The following TCF4 variants were observed in gnomAD, a reference collection of about 807,000 sequenced individuals.
The protein encoded by TCF4 is transcription factor 4.
TCF4 carries 3 observed loss-of-function variants against 82.1 expected under a neutral mutation model. That is an observed-to-expected ratio of 0.04 (90% confidence interval 0.02 to 0.09). TCF4 has a LOEUF of 0.09. Ranked by LOEUF, TCF4 falls within the 10% of genes least tolerant of loss-of-function variation. The probability of loss-of-function intolerance (pLI) is 1.00; values close to 1 mark genes in which losing one functional copy is unlikely to be tolerated. For missense variants in TCF4, 518 were observed against 852.7 expected (o/e 0.61, Z 4.89); for synonymous variants, 276 against 309.6 (o/e 0.89, Z 1.14).
chr18:55,282,190 TA>T (rs994421944), intron 8 of TCF4, among the ~76,000 whole-genome samples: 2 of 151,958 alleles, frequency 1.3e-5, no homozygotes, highest in African/African-American at 4.8e-5. Flanking sequence ...TATAAATAAA[TA>T]AATATCACAT....
intron 5 of TCF4, among the ~76,000 whole-genome samples, chr18:55,409,320 T>A (rs554998689): frequency 6.6e-6 from 1 of 152,032 alleles, no homozygotes; most frequent in Admixed American, 6.6e-5. Flanking sequence ...TTACATTGTA[T>A]CTAGCATGTT....
At chr18:55,299,451 C>CT (rs113065305) in intron 8 of TCF4, among the ~76,000 whole-genome samples, 6,335 of 116,738 alleles carry the variant, frequency 0.054, 275 homozygotes, top group South Asian at 0.2. Flanking sequence ...CATGTTTCTG[C>CT]TTTTTTTTTT....
At chr18:55,318,680 C>G (rs1429469972) in intron 8 of TCF4, among the ~76,000 whole-genome samples, 1 of 151,858 alleles carries the variant, frequency 6.6e-6, no homozygotes, top group Non-Finnish European at 1.5e-5. Flanking sequence ...TACAGTTGTT[C>G]ACAGAAACAA....
intron 5 of TCF4, among the ~76,000 whole-genome samples, chr18:55,408,851 G>A (rs1292678885): frequency 6.6e-6 from 1 of 152,048 alleles, no homozygotes; most frequent in Admixed American, 6.6e-5. Flanking sequence ...ATAAACTAGA[G>A]GCCCGACACT....
intron 11 of TCF4, chr18:55,265,218 T>C (rs2145834379): frequency 6.6e-6 from 1 of 152,286 alleles, no homozygotes; most frequent in Non-Finnish European, 1.5e-5. Flanking sequence ...ATCAAAAGAA[T>C]AAGCAGCACA....
intron 8 of TCF4, among the ~76,000 whole-genome samples, chr18:55,322,970 T>C (rs1030204398): frequency 1.3e-5 from 2 of 152,362 alleles, no homozygotes; most frequent in Admixed American, 1.3e-4. Flanking sequence ...AACTTCGATT[T>C]TGCTAAACTT....
At chr18:55,626,364 G>A (rs926213445) in intron 2 of TCF4, among the ~76,000 whole-genome samples, 1 of 151,772 alleles carries the variant, frequency 6.6e-6, no homozygotes, top group Admixed American at 6.6e-5. Context: ...AAACAATCTC[G>A]CCTTCATTTC....
intron 3 of TCF4, among the ~76,000 whole-genome samples, chr18:55,494,829 A>T (rs2096615824): frequency 6.6e-6 from 1 of 152,218 alleles, no homozygotes; most frequent in South Asian, 2.1e-4. Flanking sequence ...AAGGAAAGAG[A>T]TAATAAACTA....
intron 14 of TCF4, among the ~76,000 whole-genome samples, chr18:55,256,768 G>A (rs576898179): frequency 6.6e-6 from 1 of 152,226 alleles, no homozygotes; most frequent in South Asian, 2.1e-4. Context: ...AGGAGAGAAA[G>A]ACTGAAGTGT....
At chr18:55,483,620 T>C (rs1420766092) in intron 3 of TCF4, among the ~76,000 whole-genome samples, 1 of 152,242 alleles carries the variant, frequency 6.6e-6, no homozygotes, top group East Asian at 1.9e-4. Flanking sequence ...TATTTGCCTC[T>C]TTATGCTCAC....
rs114502643 is a variant in TCF4, at chr18:55,465,016, T to C, written c.146-879A>G. On this transcript the variant is annotated intron_variant, in intron 3 of 19. Transcript: ENST00000354452. ...AATTGCTTAAAACATAAAAGTGTTT[T>C]AAAGATCAGTTGCTCTATATTTAGA... Among the ~76,000 whole-genome samples the C allele has an allele frequency of 4.3e-3, 662 of 152,332 alleles. 9 individuals carry two copies. Among genetic ancestry groups the C allele is most frequent in the African/African-American group, 0.015 (631 of 41,582 alleles).
intron 3 of TCF4, among the ~76,000 whole-genome samples, chr18:55,511,028 C>T (rs1346705568): frequency 6.6e-6 from 1 of 152,114 alleles, no homozygotes; most frequent in Non-Finnish European, 1.5e-5. Flanking sequence ...ACATGCCTCT[C>T]TTGGAGATGT....
intron 8 of TCF4, among the ~76,000 whole-genome samples, chr18:55,317,501 T>C (rs552898853): frequency 1.5e-4 from 23 of 152,182 alleles, no homozygotes; most frequent in Non-Finnish European, 3.1e-4. Context: ...CTATGTCCTA[T>C]GTGTGGCTGT....
Position 55,510,865 on chromosome 18 carries a change from A to C in TCF4, c.146-46728T>G, listed in dbSNP as rs376258387. Reference sequence around the variant, plus strand: ...TATGAGCTACATTAGAAATTTGAACAATAGCAGACCTTTTCTGAAACAAAA... The same window carrying C: ...TATGAGCTACATTAGAAATTTGAACCATAGCAGACCTTTTCTGAAACAAAA... On this transcript the variant is annotated intron_variant, in intron 3 of 19. Transcript: ENST00000354452. The C allele has an allele frequency of 3.1e-4, 249 of 797,326 alleles. No homozygotes were observed. The African/African-American group carries it at 4.2e-3, about 13-fold the overall frequency. The allele number at this position is 797,326 out of a possible 1,614,324, so 49.4% of individuals were successfully genotyped here. A position where few individuals can be genotyped will look rare whatever the true frequency, so the allele number is the denominator to read the frequency against.
chr18:55,287,008 T>G (rs1026626700), intron 8 of TCF4, among the ~76,000 whole-genome samples: 5 of 152,180 alleles, frequency 3.3e-5, no homozygotes, highest in African/African-American at 9.6e-5. Flanking sequence ...ACTAAATAGT[T>G]CTAAGTGCCC....
intron 8 of TCF4, among the ~76,000 whole-genome samples, chr18:55,324,104 C>T (rs1401901861): frequency 3.3e-5 from 5 of 152,012 alleles, no homozygotes; most frequent in East Asian, 1.9e-4. Flanking sequence ...GAGGTGAAAT[C>T]GATTTTTAAA....
intron 3 of TCF4, among the ~76,000 whole-genome samples, chr18:55,563,201 T>C (rs2097370374): frequency 7.1e-6 from 1 of 141,390 alleles, no homozygotes; most frequent in Admixed American, 7.7e-5. Flanking sequence ...ATCACACCAC[T>C]GCACTCCATC....
rs763599971 is a variant in TCF4 at position 55,261,503 on chromosome 18, G to A, written c.953C>T (p.Ser318Phe). Residue 318 changes from serine to phenylalanine, a missense_variant, in exon 12 of 20, where the codon TCC (serine) becomes TTC (phenylalanine). By Grantham distance (155) the Ser-to-Phe change is radical. This residue lies in a region of TCF4 where 211 missense variants were observed against 327.4 expected (regional missense o/e 0.64). Coordinates refer to ENST00000354452, the MANE Select transcript of TCF4 (RefSeq NM_001083962.2). ...ANRGSGAAGS[S>F]QTGDALGKAL... is the part of the protein sequence containing the mutation. Reference sequence around the variant, plus strand: ...TTTCCCCAGAGCATCTCCAGTCTGGGAGCTGCCGGCTGCCCCGCTTCCTCT... The same window carrying A: ...TTTCCCCAGAGCATCTCCAGTCTGGAAGCTGCCGGCTGCCCCGCTTCCTCT... 2.5e-6 allele frequency: 4 copies of A among 1,613,876 alleles called. No homozygotes were observed. Among genetic ancestry groups the A allele is most frequent in the Non-Finnish European group, 2.5e-6 (3 of 1,179,862 alleles).
Position 55,533,897 on chromosome 18 carries a change from C to A in TCF4, c.145+51383G>T, listed in dbSNP as rs554405920. ...TTTTAAGAAAATACTTACTGAGCAT[C>A]CACCCTGTGCCAGGCACTGAGGACC... On this transcript the variant is annotated intron_variant, in intron 3 of 19. Transcript: ENST00000354452. Among the ~76,000 whole-genome samples, 6 of 152,286 alleles carry A rather than the reference C, an allele frequency of 3.9e-5. 1 individual carries two copies. The South Asian group carries it at 1.2e-3, about 32-fold the overall frequency.
Sources: allele counts gnomAD v4.1 joint callset (sites outside exome capture counted in the v4.1 genomes callset), GRCh38; gene constraint gnomAD v4.1.1; regional missense constraint gnomAD v4.1.1; transcripts MANE v1.5; gene names NCBI Gene and HGNC (gene_info 2026-07-23, HGNC 2026-07-21).